HIF1A: variants seen among roughly 807,000 people sequenced by gnomAD.
The protein encoded by HIF1A is hypoxia-inducible factor 1-alpha.
In HIF1A, 24 loss-of-function variants were observed where a neutral mutation model predicts 92.7. That is an observed-to-expected ratio of 0.26 (90% confidence interval 0.19 to 0.36). The LOEUF is 0.36. Ranked by LOEUF, HIF1A falls within the 10% of genes least tolerant of loss-of-function variation. HIF1A has a pLI of 1.00. For synonymous variants in HIF1A, 319 were observed against 338.7 expected (o/e 0.94, Z 0.64); for missense variants, 799 against 998.5 (o/e 0.80, Z 2.69).
chr14:61,706,193 G>A (rs1268981018), intron 1 of HIF1A, among the ~76,000 whole-genome samples: 3 of 152,136 alleles, frequency 2.0e-5, no homozygotes, highest in Admixed American at 6.5e-5. Flanking sequence ...GAGTGATAGA[G>A]TAGGTAATTT....
In HIF1A at chr14:61,697,672, A is replaced by G. The variant is rs906160566; in HGVS notation, c.35+1833A>G. 4 of 1,222,738 alleles carry G rather than the reference A, an allele frequency of 3.3e-6. No homozygotes were observed. The Admixed American group carries it at 1.7e-4, about 52-fold the overall frequency. 75.7% of individuals were successfully genotyped at this position (1,222,738 alleles called of 1,614,324 possible). A position where few individuals can be genotyped will look rare whatever the true frequency, so the allele number is the denominator to read the frequency against. On this transcript the variant is annotated intron_variant, in intron 1 of 14. Coordinates refer to ENST00000337138, the MANE Select transcript of HIF1A (RefSeq NM_001530.4). ...TGGATGGATTCATATTTCTTAGTAT[A>G]GAAGTTCTTGATATAACTGAAAAAT...
chr14:61,726,951 A>C, intron 5 of HIF1A, 133 bp downstream of exon 5: 1 of 541,752 alleles, frequency 1.8e-6, no homozygotes, highest in Non-Finnish European at 3.2e-6. Context: ...TTATATCTTC[A>C]ACTCATTTGC....
chr14:61,716,929 A>C (rs1275252207), intron 1 of HIF1A: 2 of 152,226 alleles, frequency 1.3e-5, no homozygotes, highest in African/African-American at 4.8e-5. Flanking sequence ...AAATGGGTAA[A>C]CAAACTGTTT....
chr14:61,735,864 T>G (rs935219068), intron 8 of HIF1A, among the ~76,000 whole-genome samples: 3 of 152,242 alleles, frequency 2.0e-5, no homozygotes, highest in African/African-American at 7.2e-5. Context: ...CAAAGAGTTC[T>G]TTTGTGCCAA....
At chr14:61,719,639 G>T (rs182353844) in intron 1 of HIF1A, among the ~76,000 whole-genome samples, 1 of 152,164 alleles carries the variant, frequency 6.6e-6, no homozygotes, top group African/African-American at 2.4e-5. Context: ...CTTCTTGGAA[G>T]AGTTCCCTGA....
At chr14:61,720,291 G>A in intron 1 of HIF1A, 91 bp from the exon 2 acceptor site, 1 of 855,132 alleles carries the variant, frequency 1.2e-6, no homozygotes, top group Non-Finnish European at 1.8e-6. Context: ...ATCCTTCTGT[G>A]ATAAGCAGAA....
chr14:61,723,458 G>A (rs780594419), intron 4 of HIF1A, among the ~76,000 whole-genome samples: 3 of 152,160 alleles, frequency 2.0e-5, no homozygotes, highest in Non-Finnish European at 4.4e-5. Context: ...CCTTTGGAGC[G>A]CTTTTCATAT....
chr14:61,742,907 A>AAAAAAG (rs71117851), intron 12 of HIF1A, among the ~76,000 whole-genome samples: 6,818 of 105,680 alleles, frequency 0.065, 684 homozygotes, highest in Non-Finnish European at 0.077. Flanking sequence ...AAAAAAAAAA[A>AAAAAAG]GTTGTTGGAC....
intron 1 of HIF1A, among the ~76,000 whole-genome samples, chr14:61,696,318 C>T (rs1337765447): frequency 6.6e-6 from 1 of 152,274 alleles, no homozygotes; most frequent in Non-Finnish European, 1.5e-5. Context: ...GGACCCTGCA[C>T]GCTGGTCCTG....
intron 12 of HIF1A, among the ~76,000 whole-genome samples, chr14:61,742,828 T>A (rs1399912794): frequency 3.9e-5 from 5 of 129,184 alleles, no homozygotes; most frequent in African/African-American, 1.5e-4. Flanking sequence ...GAGGCTGCAG[T>A]GAGCCGAGAT....
chr14:61,731,289 G>A (rs551612735), intron 6 of HIF1A, among the ~76,000 whole-genome samples: 1 of 152,196 alleles, frequency 6.6e-6, no homozygotes, highest in South Asian at 2.1e-4. Flanking sequence ...AGAAAGACTT[G>A]AGAAGAGAGT....
chr14:61,744,849 A>T, intron 13 of HIF1A, 36 bp downstream of exon 13: 1 of 914,332 alleles, frequency 1.1e-6, no homozygotes, highest in Non-Finnish European at 1.8e-6. Flanking sequence ...TTTCTAGCTA[A>T]TGTGCTATTT....
intron 4 of HIF1A, among the ~76,000 whole-genome samples, chr14:61,726,151 C>A (rs920677905): frequency 6.6e-6 from 1 of 151,862 alleles, no homozygotes; most frequent in Non-Finnish European, 1.5e-5. Flanking sequence ...GTCATTTGAT[C>A]TGTTGTTGTT....
chr14:61,745,947 G>C (rs1325296215), intron 14 of HIF1A, 130 bp downstream of exon 14: 1 of 817,654 alleles, frequency 1.2e-6, no homozygotes, highest in East Asian at 2.7e-5. Context: ...GTTGTGGCTG[G>C]GCGCGGTGGC....
At chr14:61,725,716 C>T (rs1458703071) in intron 4 of HIF1A, among the ~76,000 whole-genome samples, 1 of 150,848 alleles carries the variant, frequency 6.6e-6, no homozygotes, top group Non-Finnish European at 1.5e-5. Context: ...GCCACTGCGC[C>T]CAGCAAGATG....
At chr14:61,737,777 A>G (rs939485829) in intron 9 of HIF1A, among the ~76,000 whole-genome samples, 5 of 152,222 alleles carry the variant, frequency 3.3e-5, no homozygotes, top group African/African-American at 1.2e-4. Flanking sequence ...CTGTAATCCC[A>G]GCACTTTGGG....
At chr14:61,711,765 C>G (rs1482967797) in intron 1 of HIF1A, among the ~76,000 whole-genome samples, 5 of 152,204 alleles carry the variant, frequency 3.3e-5, no homozygotes, top group African/African-American at 1.2e-4. Flanking sequence ...TTAACATTTA[C>G]TAAGCTGCTT....
chr14:61,706,899 G>A (rs2044244745), intron 1 of HIF1A, among the ~76,000 whole-genome samples: 1 of 152,120 alleles, frequency 6.6e-6, no homozygotes, highest in Admixed American at 6.5e-5. Context: ...ATATTTGGGG[G>A]AAAAAAGTTC....
At chr14:61,708,183 A>T (rs1400725751) in intron 1 of HIF1A, among the ~76,000 whole-genome samples, 2 of 151,828 alleles carry the variant, frequency 1.3e-5, no homozygotes, top group Non-Finnish European at 2.9e-5. Flanking sequence ...GTTTGAGTTC[A>T]TTGTAGATTC....
Sources: gnomAD v4.1 joint callset for allele counts (sites outside exome capture counted in the v4.1 genomes callset) on GRCh38, gnomAD v4.1.1 for gene constraint, MANE v1.5 for transcripts, NCBI Gene and HGNC (gene_info 2026-07-23, HGNC 2026-07-21) for gene names.